Variants in ANKRD2 observed in about 807,000 individuals in gnomAD.
ANKRD2 encodes the protein ankyrin repeat domain 2.
ANKRD2 carries 35 observed loss-of-function variants against 37.3 expected under a neutral mutation model. The observed-to-expected ratio is 0.94, with a 90% confidence interval of 0.72 to 1.24. The LOEUF (loss-of-function observed/expected upper bound fraction) is 1.24. ANKRD2 is among the 50% of genes most tolerant of loss of function. The pLI is 0.00. For missense variants in ANKRD2, 410 were observed against 445.6 expected, an observed-to-expected ratio of 0.92 and a Z score of 0.72; for synonymous variants, 159 against 186.5, an observed-to-expected ratio of 0.85 and a Z score of 1.20.
intron 4 of ANKRD2, among the ~76,000 whole-genome samples, chr10:97,579,750 G>T (rs2040874023): frequency 1.3e-5 from 2 of 151,916 alleles, no homozygotes; most frequent in Non-Finnish European, 2.9e-5. Context: ...ACCACACCCG[G>T]CTAATTTGTT....
At chr10:97,582,560 C>T in intron 7 of ANKRD2, 44 bp from the exon 8 acceptor site, 1 of 1,598,768 alleles carries the variant, frequency 6.3e-7, no homozygotes, top group East Asian at 2.2e-5. Flanking sequence ...CTTGCCTCCT[C>T]CCACTGCCCA....
In ANKRD2 at chr10:97,581,364, G is replaced by T. The variant is rs769145126; in HGVS notation, c.604G>T (p.Val202Leu). 7 of 1,614,196 alleles carry T rather than the reference G, an allele frequency of 4.3e-6. No homozygotes were observed. The South Asian group carries it at 6.6e-5, about 15-fold the overall frequency. Reference protein sequence around the residue: ...HWACRGGHLEVVKLLQSHGAD... With the variant: ...HWACRGGHLELVKLLQSHGAD... ...GGCCTGCCGCGGGGGCCACTTAGAG[G>T]TGGTGAAACTTCTGCAAAGCCATGG... The change falls in exon 6 of 9, where the codon GTG becomes TTG. Residue 202 changes from valine to leucine, a missense_variant. Physicochemically the swap from Val to Leu is conservative, Grantham distance 32. Transcript: ENST00000370655.
Position 97,578,262 on chromosome 10 carries a change from C to G in ANKRD2, c.212C>G (p.Thr71Arg). 1.2e-6 allele frequency: 2 copies of G among 1,612,184 alleles called. No individual in the cohort carries two copies. Among genetic ancestry groups the G allele is most frequent in the Non-Finnish European group, 1.7e-6 (2 of 1,179,664 alleles). Residue 71 changes from threonine to arginine, a missense_variant, in exon 3 of 9, where the codon ACG (threonine) becomes AGG (arginine). Coordinates refer to ENST00000370655, the MANE Select transcript of ANKRD2 (RefSeq NM_001346793.2). Reference protein sequence around the residue: ...KVKGQERVRKTSLDLRREIID... With the variant: ...KVKGQERVRKRSLDLRREIID... ...CAGGGCCAAGAGCGCGTGCGCAAGA[C>G]GTCCCTGGACCTGCGGCGGGAGATC...
chr10:97,580,930 GC>G lies in ANKRD2; in HGVS notation c.534del (p.Thr179LeufsTer22). ...CCTGGAGAAGCTTCTAGATAATGGGGCCACTGTGGACTTCCAGGATCGGGTG... is the reference window on the plus strand; with the variant it reads ...CCTGGAGAAGCTTCTAGATAATGGGGCACTGTGGACTTCCAGGATCGGGTG... Reference protein sequence around the residue: ...EILEKLLDNGATVDFQDRLDC... With the variant: ...EILEKLLDNGXTVDFQDRLDC... On this transcript the variant is annotated frameshift_variant, in exon 5 of 9. Coordinates refer to ENST00000370655, the MANE Select transcript of ANKRD2 (RefSeq NM_001346793.2). LOFTEE classifies it high-confidence loss of function. The G allele has an allele frequency of 2.5e-6, 4 of 1,601,370 alleles. No individual in the cohort carries two copies. Among genetic ancestry groups the G allele is most frequent in the Non-Finnish European group, 3.4e-6 (4 of 1,174,190 alleles).
At chr10:97,583,434 C>A in intron 8 of ANKRD2, 142 bp from the exon 9 acceptor site, 1 of 837,324 alleles carries the variant, frequency 1.2e-6, no homozygotes, top group Non-Finnish European at 1.8e-6. Context: ...AGTGTGACAA[C>A]CAAAAGTATC....
In ANKRD2 at chr10:97,577,843, T is replaced by A; in HGVS notation, c.131T>A (p.Leu44Gln). The A allele has an allele frequency of 1.9e-6, 3 of 1,574,294 alleles. No individual in the cohort carries two copies. Among genetic ancestry groups the A allele is most frequent in the Non-Finnish European group, 1.7e-6 (2 of 1,159,894 alleles). ...DARQKLPMDLLVLEDEKHHGA... is the reference protein window; with the variant it reads ...DARQKLPMDLQVLEDEKHHGA... ...CGCCAGAAGCTGCCCATGGACTTGC[T>A]GGTGCTGGAGGATGAGAAGCACCAC... The change falls in exon 2 of 9, where the codon CTG (leucine) becomes CAG (glutamine). Residue 44 changes from leucine to glutamine, a missense_variant. Coordinates refer to ENST00000370655, the MANE Select transcript of ANKRD2 (RefSeq NM_001346793.2).
At chr10:97,579,094 G>A (rs1313435925) in intron 4 of ANKRD2, among the ~76,000 whole-genome samples, 2 of 151,910 alleles carry the variant, frequency 1.3e-5, no homozygotes, top group Non-Finnish European at 2.9e-5. Context: ...TGGGAGGAGC[G>A]CTTGAGCCTA....
At chr10:97,576,220 T>A (rs538803644) in intron 1 of ANKRD2, among the ~76,000 whole-genome samples, 4 of 152,164 alleles carry the variant, frequency 2.6e-5, no homozygotes, top group Non-Finnish European at 5.9e-5. Context: ...AAGGGTGGCC[T>A]CCTTCCCAGC....
At chr10:97,574,541 T>C (rs557321901) in intron 1 of ANKRD2, among the ~76,000 whole-genome samples, 3 of 152,050 alleles carry the variant, frequency 2.0e-5, no homozygotes, top group Non-Finnish European at 4.4e-5. Flanking sequence ...TGTTATTGAG[T>C]GAGGGAGATT....
chr10:97,578,418 C>T lies in ANKRD2; in HGVS notation c.348+20C>T, dbSNP rs2040855692. 2.5e-6 allele frequency: 4 copies of T among 1,613,086 alleles called. No homozygotes were observed. Among genetic ancestry groups the T allele is most frequent in the Non-Finnish European group, 2.5e-6 (3 of 1,179,474 alleles). The stretch of plus-strand genomic sequence containing the variant: ...GAGATCGTAAGGGTCCTGGGGAGGA[C>T]ACCGCGAGGGGGCGGAGGGGGAGCC... On this transcript the variant is annotated intron_variant, in intron 3 of 8. Coordinates refer to ENST00000370655, the MANE Select transcript of ANKRD2 (RefSeq NM_001346793.2).
At chr10:97,574,442 C>T (rs2040798821) in intron 1 of ANKRD2, among the ~76,000 whole-genome samples, 1 of 152,084 alleles carries the variant, frequency 6.6e-6, no homozygotes, top group Admixed American at 6.6e-5. Flanking sequence ...TTGATAAAGT[C>T]TGGTAGTAGG....
intron 4 of ANKRD2, among the ~76,000 whole-genome samples, chr10:97,579,780 G>T (rs924474096): frequency 1.3e-5 from 2 of 151,942 alleles, no homozygotes; most frequent in Admixed American, 6.6e-5. Context: ...TAGAGACAAG[G>T]TTTCAACATG....
intron 8 of ANKRD2, among the ~76,000 whole-genome samples, chr10:97,583,225 G>A (rs746695918): frequency 2.0e-5 from 3 of 152,092 alleles, no homozygotes; most frequent in African/African-American, 4.8e-5. Context: ...AGAGTCCCTC[G>A]GGCTCAAGAA....
At position 97,583,587 on chromosome 10, in the gene ANKRD2, C is replaced by T; in HGVS notation, c.864C>T (p.Thr288=). ...DMMTKNLAGK[T]PTDLVQLWQA... ...CCCGCCCCCTCCAGGCAGGAAAGAC[C>T]CCGACGGACCTGGTGCAGCTCTGGC... The change falls in exon 9 of 9, where the codon ACC becomes ACT. Residue 288 remains threonine (T), a synonymous_variant. Coordinates refer to ENST00000370655, the MANE Select transcript of ANKRD2 (RefSeq NM_001346793.2). The T allele has an allele frequency of 6.2e-7, 1 of 1,603,382 alleles. No individual in the cohort carries two copies. The highest frequency in any genetic ancestry group is 8.5e-7 in the Non-Finnish European group (1 of 1,175,810).
intron 2 of ANKRD2, 96 bp from the exon 3 acceptor site, chr10:97,578,144 G>GGGCCCCCCCCCCCCCCCCC: frequency 4.4e-6 from 3 of 685,434 alleles, no homozygotes; most frequent in East Asian, 2.7e-5. Context: ...GGGTCTTCCT[G>GGGCCCCCCCCCCCCCCCCC]CCCACCCCAC....
At chr10:97,573,810 A>G (rs893903140) in intron 1 of ANKRD2, among the ~76,000 whole-genome samples, 7 of 152,212 alleles carry the variant, frequency 4.6e-5, no homozygotes, top group Admixed American at 2.0e-4. Flanking sequence ...GGGTGGACCA[A>G]TAAGGGTCAG....
In ANKRD2 at chr10:97,583,730, G is replaced by C; in HGVS notation, c.*5G>C. ...CAGCCTGTGCCAGCCCAGTGAATGC[G>C]TGCCCCAGCCCAGCCAGCTACCCAG... On this transcript the variant is annotated 3_prime_UTR_variant, in exon 9 of 9. Coordinates refer to ENST00000370655, the MANE Select transcript of ANKRD2 (RefSeq NM_001346793.2). The C allele has an allele frequency of 4.6e-6, 7 of 1,516,342 alleles. No individual in the cohort carries two copies. The highest frequency in any genetic ancestry group is 6.2e-6 in the Non-Finnish European group (7 of 1,133,446). The allele number at this position is 1,516,342 out of a possible 1,614,324, so 93.9% of individuals were successfully genotyped here.
At chr10:97,576,432 C>T (rs2040826715) in intron 1 of ANKRD2, among the ~76,000 whole-genome samples, 1 of 152,152 alleles carries the variant, frequency 6.6e-6, no homozygotes, top group African/African-American at 2.4e-5. Flanking sequence ...AAGGTTAAGA[C>T]TTAGAGCCCG....
upstream of ANKRD2, chr10:97,572,579 T>A: frequency 8.5e-7 from 1 of 1,182,552 alleles, no homozygotes; most frequent in African/African-American, 1.5e-5. Context: ...GCCCTCCGGC[T>A]CTAATAGGCC....
Sources: gnomAD v4.1 joint callset for allele counts (sites outside exome capture counted in the v4.1 genomes callset) on GRCh38, gnomAD v4.1.1 for gene constraint, MANE v1.5 for transcripts, NCBI Gene and HGNC (gene_info 2026-07-23, HGNC 2026-07-21) for gene names.